The following TEKT3 variants were observed in gnomAD, a reference collection of about 807,000 sequenced individuals.
TEKT3 encodes the protein tektin 3, also known as tektin-3.
In TEKT3, 49 loss-of-function variants were observed where a neutral mutation model predicts 49.8. The observed-to-expected ratio is 0.98, with a 90% CI of 0.78 to 1.25. TEKT3 has a LOEUF of 1.25. Among genes scored for constraint, TEKT3 ranks in the 50% most tolerant of loss-of-function variants. The probability of loss-of-function intolerance (pLI) is 0.00; values close to 1 mark genes in which losing one functional copy is unlikely to be tolerated. For missense variants in TEKT3, 595 were observed against 629.5 expected, an observed-to-expected ratio of 0.95 and a Z score of 0.59; for synonymous variants, 225 against 237.2, an observed-to-expected ratio of 0.95 and a Z score of 0.47.
intron 4 of TEKT3, among the ~76,000 whole-genome samples, chr17:15,322,572 C>G (rs935832137): frequency 6.6e-6 from 1 of 152,216 alleles, no homozygotes; most frequent in Non-Finnish European, 1.5e-5. Context: ...TGACCCCGCG[C>G]TGTGGCCTGA....
Position 15,312,414 on chromosome 17 carries a change from C to T in TEKT3, c.946G>A (p.Ala316Thr), listed in dbSNP as rs1005041520. ...TCGTCTCTTAGCTTAGCGGAAGCTG[C>T]CCGTTCACTCTGGGAGCGGAGAATA... The part of the protein sequence containing the change: ...DNILRSQSER[A>T]ASAKLRDDIE... Residue 316 changes from alanine (A) to threonine (T), a missense_variant, in exon 7 of 9, where the codon GCA becomes ACA. Coordinates refer to ENST00000395930, the MANE Select transcript of TEKT3 (RefSeq NM_031898.3). 3 of 1,614,030 alleles carry T rather than the reference C, an allele frequency of 1.9e-6. No individual in the cohort carries two copies. The African/African-American group carries it at 4.0e-5, about 22-fold the overall frequency.
intron 2 of TEKT3, among the ~76,000 whole-genome samples, chr17:15,333,273 G>C (rs890039116): frequency 6.6e-6 from 1 of 152,082 alleles, no homozygotes; most frequent in African/African-American, 2.4e-5. Flanking sequence ...GCACTGCTCA[G>C]AAAAATAAAA....
intron 8 of TEKT3, 63 bp downstream of exon 8, chr17:15,308,601 C>T: frequency 6.4e-7 from 1 of 1,567,646 alleles, no homozygotes; most frequent in Non-Finnish European, 8.7e-7. Context: ...TCTAAAGAGC[C>T]AGGCACCACA....
chr17:15,336,664 T>C (rs1052773785), intron 2 of TEKT3, among the ~76,000 whole-genome samples: 1 of 152,186 alleles, frequency 6.6e-6, no homozygotes. Flanking sequence ...AATTATATGG[T>C]AGCCATAGCA....
Position 15,304,482 on chromosome 17 carries a change from C to A in TEKT3, c.1257-330G>T, listed in dbSNP as rs1910457527. Among the ~76,000 whole-genome samples the A allele has an allele frequency of 6.6e-6, 1 of 152,096 alleles. No homozygotes were observed. Among genetic ancestry groups the A allele is most frequent in the African/African-American group, 2.4e-5 (1 of 41,412 alleles). On this transcript the variant is annotated intron_variant, in intron 8 of 8. Coordinates refer to ENST00000395930, the MANE Select transcript of TEKT3 (RefSeq NM_031898.3). The surrounding 1 kb of genome is among the most constrained non-coding windows in gnomAD (Gnocchi z 4.7). ...TGGAAAACGAATTTAGAGAGGTCACCAAGCCCAACTTCCTTGTTTTACAGA... is the reference window on the plus strand; with the variant it reads ...TGGAAAACGAATTTAGAGAGGTCACAAAGCCCAACTTCCTTGTTTTACAGA...
At chr17:15,315,589 G>GA (rs35107929) in intron 5 of TEKT3, among the ~76,000 whole-genome samples, 334 of 125,110 alleles carry the variant, frequency 2.7e-3, no homozygotes, top group Middle Eastern at 8.8e-3. Context: ...ACACCAGTGA[G>GA]AAAAAAAAAA....
chr17:15,309,662 C>T (rs1436385346), intron 7 of TEKT3, among the ~76,000 whole-genome samples: 2 of 152,084 alleles, frequency 1.3e-5, no homozygotes, highest in Admixed American at 6.5e-5. Flanking sequence ...TTTACCACCA[C>T]TCTCCCATCC....
intron 5 of TEKT3, among the ~76,000 whole-genome samples, chr17:15,314,812 G>A (rs1242839373): frequency 1.3e-5 from 2 of 152,204 alleles, no homozygotes; most frequent in Non-Finnish European, 2.9e-5. Flanking sequence ...GGGCAGGAGT[G>A]AGAGAGGGCT....
chr17:15,331,933 G>A (rs538630031), intron 2 of TEKT3, among the ~76,000 whole-genome samples: 123 of 152,218 alleles, frequency 8.1e-4, no homozygotes, highest in African/African-American at 2.7e-3. Flanking sequence ...GCATCTTAAC[G>A]GATAGGGATT....
chr17:15,333,722 G>GTTTATTTTATTTTATTTTATTTTAT lies in TEKT3; in HGVS notation c.-29-2133_-29-2109dup, dbSNP rs58481435. On this transcript the variant is annotated intron_variant, in intron 2 of 8. Coordinates refer to ENST00000395930, the MANE Select transcript of TEKT3 (RefSeq NM_031898.3). The stretch of plus-strand genomic sequence containing the variant: ...GATGGACCACTCCTACTTGGCTTTG[G>GTTTATTTTATTTTATTTTATTTTAT]TTTATTTTATTTTATTTTATTTTAT... Among the ~76,000 whole-genome samples, 156 of 144,340 alleles carry GTTTATTTTATTTTATTTTATTTTAT rather than the reference G, an allele frequency of 1.1e-3. 3 individuals carry two copies. The highest frequency in any genetic ancestry group is 3.1e-3 in the Admixed American group (44 of 14,350). The allele number at this position is 144,340 out of a possible 152,430, so 94.7% of individuals were successfully genotyped here.
rs1240349882 is a variant in TEKT3, at chr17:15,304,080, GT to G, written c.1328del (p.Asp443AlafsTer32). On this transcript the variant is annotated frameshift_variant, in exon 9 of 9. Transcript: ENST00000395930. LOFTEE classifies it high-confidence loss of function. This position sits in a 1 kb window ranked among gnomAD's most constrained non-coding sequence, Gnocchi z 4.7. ...TGATGTGGACCAGCGACTGCAGGGTGTCCTCTGCATCCCTCAGGCGCTGCTG... is the reference window on the plus strand; with the variant it reads ...TGATGTGGACCAGCGACTGCAGGGTGCCTCTGCATCCCTCAGGCGCTGCTG... ...TLQQRLRDAE[D>X]TLQSLVHIKA... is the part of the protein sequence containing the mutation. The G allele has an allele frequency of 6.2e-7, 1 of 1,613,838 alleles. No homozygotes were observed. Among genetic ancestry groups the G allele is most frequent in the Non-Finnish European group, 8.5e-7 (1 of 1,179,850 alleles).
chr17:15,325,724 G>A (rs1597414108), intron 4 of TEKT3, among the ~76,000 whole-genome samples: 1 of 152,208 alleles, frequency 6.6e-6, no homozygotes, highest in Non-Finnish European at 1.5e-5. Flanking sequence ...ATGAAGTTAA[G>A]CTGTTAGAAC....
At chr17:15,327,880 G>A (rs1034467125) in intron 4 of TEKT3, 112 bp downstream of exon 4, 20 of 867,612 alleles carry the variant, frequency 2.3e-5, no homozygotes, top group African/African-American at 9.9e-5. Flanking sequence ...CATCTGATAC[G>A]ATAATGCTTT....
At chr17:15,321,981 C>T (rs1446828958) in intron 4 of TEKT3, among the ~76,000 whole-genome samples, 1 of 152,108 alleles carries the variant, frequency 6.6e-6, no homozygotes, top group Non-Finnish European at 1.5e-5. Context: ...AAGTGAAAAT[C>T]CCTTCTTGTG....
At chr17:15,323,814 G>GT (rs982558277) in intron 4 of TEKT3, among the ~76,000 whole-genome samples, 12 of 152,130 alleles carry the variant, frequency 7.9e-5, no homozygotes, top group African/African-American at 2.9e-4. Context: ...TGCACATTCA[G>GT]TTTTTTGAGA....
chr17:15,319,020 C>G (rs1788818667), intron 5 of TEKT3, 57 bp downstream of exon 5: 4 of 1,369,148 alleles, frequency 2.9e-6, no homozygotes, highest in Non-Finnish European at 4.1e-6. Context: ...CAATGAGGAG[C>G]ATGAAAGTAT....
intron 3 of TEKT3, among the ~76,000 whole-genome samples, chr17:15,330,389 C>T (rs1024620588): frequency 1.3e-5 from 2 of 152,040 alleles, no homozygotes; most frequent in South Asian, 2.1e-4. Context: ...GTGATTGGAT[C>T]GTGGGGGTAG....
intron 3 of TEKT3, among the ~76,000 whole-genome samples, chr17:15,328,912 G>A (rs230902): frequency 0.04 from 6,071 of 152,184 alleles, 209 homozygotes; most frequent in Admixed American, 0.093. Flanking sequence ...AAATATAATG[G>A]TATGTATACT....
rs150716007 is a variant in TEKT3, at chr17:15,309,035, G to A, written c.1102-217C>T. Among the ~76,000 whole-genome samples, 1,111 of 152,174 alleles carry A rather than the reference G, an allele frequency of 7.3e-3. 11 individuals are homozygous for A. Among genetic ancestry groups the A allele is most frequent in the Non-Finnish European group, 0.013 (883 of 68,000 alleles). On this transcript the variant is annotated intron_variant, in intron 7 of 8. Transcript: ENST00000395930. ...GCACCTGCTCTGGAGAGTGGGCGGC[G>A]CCTCTCTCCCCAACCCTAGGCTTGG... is the stretch of plus-strand genomic sequence containing the variant.
Sources: gnomAD v4.1 joint callset for allele counts (sites outside exome capture counted in the v4.1 genomes callset) on GRCh38, gnomAD v4.1.1 for gene constraint, Gnocchi (gnomAD v3.1) non-coding constraint, MANE v1.5 for transcripts, NCBI Gene and HGNC (gene_info 2026-07-23, HGNC 2026-07-21) for gene names.